Variants in SUMF1 observed in about 807,000 individuals in gnomAD.
SUMF1 encodes the protein formylglycine-generating enzyme.
Under a neutral mutation model 47.6 loss-of-function variants are expected in SUMF1, and 48 were observed. That is an observed-to-expected ratio of 1.01 (90% CI 0.80 to 1.28). The LOEUF (loss-of-function observed/expected upper bound fraction) is 1.28. Ranked by LOEUF, SUMF1 falls within the 50% of genes most tolerant of loss-of-function variation. The pLI is 0.00. For missense variants in SUMF1, 571 were observed against 485.4 expected, an observed-to-expected ratio of 1.18 and a Z score of -1.66; for synonymous variants, 230 against 192.1, an observed-to-expected ratio of 1.20 and a Z score of -1.63.
At chr3:4,277,297 C>A (rs1044635396) in intron 8 of SUMF1, among the ~76,000 whole-genome samples, 4 of 152,140 alleles carry the variant, frequency 2.6e-5, no homozygotes, top group Non-Finnish European at 5.9e-5. Context: ...ATACCCAGGT[C>A]TCCTTTCCCA....
At chr3:4,194,145 G>A (rs985991474) in intron 8 of SUMF1, among the ~76,000 whole-genome samples, 2 of 152,042 alleles carry the variant, frequency 1.3e-5, no homozygotes, top group Admixed American at 1.3e-4. Flanking sequence ...TAGATACTGA[G>A]CACTTGAAAT....
chr3:4,373,836 T>C (rs775213054), intron 8 of SUMF1, among the ~76,000 whole-genome samples: 11 of 152,130 alleles, frequency 7.2e-5, no homozygotes, highest in Non-Finnish European at 1.5e-4. Context: ...TAATACATCA[T>C]GACTAAGTGG....
At chr3:4,040,653 A>C (rs902273612) in intron 9 of SUMF1, among the ~76,000 whole-genome samples, 1 of 152,212 alleles carries the variant, frequency 6.6e-6, no homozygotes, top group African/African-American at 2.4e-5. Context: ...AGAATGTCTG[A>C]GATTTGATTT....
chr3:4,129,397 T>C (rs937020380), intron 8 of SUMF1, among the ~76,000 whole-genome samples: 17 of 152,050 alleles, frequency 1.1e-4, no homozygotes, highest in African/African-American at 2.4e-4. Flanking sequence ...AGAAGTGAAA[T>C]TGGTAAGAAG....
chr3:4,287,328 G>T (rs1697651938), intron 8 of SUMF1, among the ~76,000 whole-genome samples: 1 of 151,788 alleles, frequency 6.6e-6, no homozygotes, highest in Non-Finnish European at 1.5e-5. Flanking sequence ...AACATCAGTT[G>T]TTCACAGTAA....
At chr3:4,456,361 A>G (rs1404576047) in intron 1 of SUMF1, among the ~76,000 whole-genome samples, 3 of 152,092 alleles carry the variant, frequency 2.0e-5, no homozygotes, top group African/African-American at 7.2e-5. Flanking sequence ...CATACTAGAC[A>G]GAGCAATTAG....
intron 8 of SUMF1, among the ~76,000 whole-genome samples, chr3:4,279,582 A>T (rs1349113652): frequency 1.3e-5 from 2 of 152,102 alleles, no homozygotes; most frequent in Non-Finnish European, 2.9e-5. Flanking sequence ...ATCTGAGGAG[A>T]TGCCATTGAG....
At chr3:4,195,601 A>G (rs1444744573) in intron 8 of SUMF1, among the ~76,000 whole-genome samples, 2 of 152,144 alleles carry the variant, frequency 1.3e-5, no homozygotes, top group African/African-American at 4.8e-5. Flanking sequence ...TATTTCAGGT[A>G]TTTGTTGACT....
At chr3:4,454,714 G>A (rs1369032247) in intron 1 of SUMF1, among the ~76,000 whole-genome samples, 1 of 152,118 alleles carries the variant, frequency 6.6e-6, no homozygotes, top group African/African-American at 2.4e-5. Flanking sequence ...ACAAAATTTG[G>A]TATATCTATA....
chr3:4,077,018 A>T (rs1178961705), intron 8 of SUMF1, among the ~76,000 whole-genome samples: 1 of 152,122 alleles, frequency 6.6e-6, no homozygotes, highest in East Asian at 1.9e-4. Context: ...AAGAAAAAAA[A>T]AGAAGACATT....
At chr3:4,317,564 G>A (rs189425796) in intron 8 of SUMF1, 201 of 173,426 alleles carry the variant, frequency 1.2e-3, no homozygotes, top group South Asian at 2.2e-3. Flanking sequence ...ACCTTGAAAA[G>A]CATTTTGGCC....
At chr3:4,221,327 C>T (rs1039694726) in intron 8 of SUMF1, among the ~76,000 whole-genome samples, 2 of 152,036 alleles carry the variant, frequency 1.3e-5, no homozygotes, top group East Asian at 3.9e-4. Context: ...TTTTAAGTTG[C>T]CATGAATCTT....
intron 8 of SUMF1, among the ~76,000 whole-genome samples, chr3:4,149,017 G>C (rs772181354): frequency 9.9e-5 from 15 of 152,138 alleles, no homozygotes; most frequent in Non-Finnish European, 1.9e-4. Context: ...GTACGAGAGA[G>C]ACCTGAAGTT....
At chr3:4,143,041 C>T (rs978363019) in intron 8 of SUMF1, among the ~76,000 whole-genome samples, 1 of 152,058 alleles carries the variant, frequency 6.6e-6, no homozygotes, top group Non-Finnish European at 1.5e-5. Flanking sequence ...AGGTAAGTGT[C>T]CCGCTGCAAA....
intron 3 of SUMF1, among the ~76,000 whole-genome samples, chr3:4,434,193 A>AT (rs751384909): frequency 4.6e-5 from 7 of 152,066 alleles, no homozygotes; most frequent in Admixed American, 1.3e-4. Context: ...GAAATGCATA[A>AT]TGTTGATGGT....
intron 8 of SUMF1, among the ~76,000 whole-genome samples, chr3:4,076,017 C>T (rs1382916213): frequency 6.6e-6 from 1 of 152,004 alleles, no homozygotes; most frequent in Non-Finnish European, 1.5e-5. Context: ...AACCAAAAAA[C>T]AGCCCACATT....
chr3:4,233,131 C>T (rs2124985590), intron 8 of SUMF1, among the ~76,000 whole-genome samples: 2 of 152,180 alleles, frequency 1.3e-5, no homozygotes, highest in South Asian at 4.1e-4. Flanking sequence ...CCTCAGATCC[C>T]AAAAACAAAT....
chr3:4,406,281 T>G (rs998700470), intron 7 of SUMF1, among the ~76,000 whole-genome samples: 2 of 152,224 alleles, frequency 1.3e-5, no homozygotes, highest in Non-Finnish European at 2.9e-5. Context: ...TGAAGATATA[T>G]TCTACATTTA....
chr3:4,449,721 G>A (rs943326521), intron 2 of SUMF1, among the ~76,000 whole-genome samples: 6 of 152,166 alleles, frequency 3.9e-5, no homozygotes, highest in Non-Finnish European at 5.9e-5. Context: ...CTAGCTAAAC[G>A]AATTAAATAG....
Sources: gnomAD v4.1 joint callset for allele counts (sites outside exome capture counted in the v4.1 genomes callset) on GRCh38, gnomAD v4.1.1 for gene constraint, MANE v1.5 for transcripts, NCBI Gene and HGNC (gene_info 2026-07-23, HGNC 2026-07-21) for gene names.